WNK1: variants seen among roughly 807,000 people sequenced by gnomAD.
WNK1 encodes serine/threonine-protein kinase WNK1.
In WNK1, 38 loss-of-function variants were observed where a neutral mutation model predicts 222.8. The observed-to-expected ratio is 0.17, with a 90% CI of 0.13 to 0.22. The LOEUF is 0.22. WNK1 is among the 10% of genes least tolerant of loss of function. The pLI is 1.00. For synonymous variants in WNK1, 1,090 were observed against 1,092.9 expected, an observed-to-expected ratio of 1.00 and a Z score of 0.05; for missense variants, 2,348 against 2,918.4, an observed-to-expected ratio of 0.80 and a Z score of 4.50.
chr12:765,576 GAA>G (rs1941591534), intron 1 of WNK1, among the ~76,000 whole-genome samples: 1 of 120,208 alleles, frequency 8.3e-6, no homozygotes. Flanking sequence ...AATCATTGCA[GAA>G]AATTCTTTTG....
At chr12:878,512 C>T in intron 10 of WNK1, 151 bp downstream of exon 10, 1 of 867,086 alleles carries the variant, frequency 1.2e-6, no homozygotes. Context: ...AATCTCATTG[C>T]AGAAATGAAG....
chr12:890,350 T>C (rs2154089978), intron 21 of WNK1, 103 bp from the exon 22 acceptor site: 1 of 1,132,240 alleles, frequency 8.8e-7, no homozygotes, highest in East Asian at 2.4e-5. Context: ...TCACATATAC[T>C]GTCTTTCTGC....
chr12:791,127 A>G (rs1409192173), intron 1 of WNK1, among the ~76,000 whole-genome samples: 1 of 152,054 alleles, frequency 6.6e-6, no homozygotes, highest in East Asian at 1.9e-4. Flanking sequence ...CGTAGTAAAT[A>G]TTGTGGATGT....
At chr12:785,451 A>AG (rs1944201235) in intron 1 of WNK1, among the ~76,000 whole-genome samples, 1 of 117,424 alleles carries the variant, frequency 8.5e-6, no homozygotes, top group East Asian at 2.9e-4. Flanking sequence ...CCAGAGCTGG[A>AG]GTGCAATGGT....
chr12:801,786 T>C (rs1373292939), intron 1 of WNK1, among the ~76,000 whole-genome samples: 1 of 152,000 alleles, frequency 6.6e-6, no homozygotes, highest in African/African-American at 2.4e-5. Flanking sequence ...CAAATGAAAA[T>C]TGACAGATAT....
At chr12:905,840 A>G (rs957057296) in intron 26 of WNK1, among the ~76,000 whole-genome samples, 12 of 152,124 alleles carry the variant, frequency 7.9e-5, no homozygotes, top group African/African-American at 2.9e-4. Flanking sequence ...TGCAATAGCA[A>G]TCCCCTTGTG....
rs2154098420 is a variant in WNK1 at position 900,522 on chromosome 12, G to A, written c.6495G>A (p.Gln2165=). 6.2e-7 allele frequency: 1 copy of A among 1,614,154 alleles called. No individual in the cohort carries two copies. ...CAGCTTCAGTCTTGCACCCCCAGCA[G>A]ACCCTCCACCCTCCTGGCAACATCC... ...QSAASVLHPQ[Q]TLHPPGNIPE... Residue 2165 remains glutamine, a synonymous_variant, in exon 26 of 28, where the codon CAG becomes CAA. Coordinates refer to ENST00000315939, the MANE Select transcript of WNK1 (RefSeq NM_018979.4).
chr12:891,192 G>A (rs1175666551), intron 22 of WNK1, among the ~76,000 whole-genome samples: 2 of 152,140 alleles, frequency 1.3e-5, no homozygotes, highest in East Asian at 3.8e-4. Flanking sequence ...AGGCTGGAGT[G>A]CAGTGGCATC....
At chr12:857,137 T>A in intron 4 of WNK1, 24 bp from the exon 5 acceptor site, 1 of 1,609,580 alleles carries the variant, frequency 6.2e-7, no homozygotes, top group South Asian at 1.1e-5. Context: ...CTTTTATTAA[T>A]GTATTTCTGT....
At chr12:811,687 T>C (rs1198554213) in intron 1 of WNK1, among the ~76,000 whole-genome samples, 1 of 152,142 alleles carries the variant, frequency 6.6e-6, no homozygotes, top group Non-Finnish European at 1.5e-5. Flanking sequence ...TCTAAGATAT[T>C]TTATGAAATG....
At chr12:872,625 A>G (rs1047285413) in intron 9 of WNK1, among the ~76,000 whole-genome samples, 1 of 152,250 alleles carries the variant, frequency 6.6e-6, no homozygotes, top group Non-Finnish European at 1.5e-5. Context: ...ATAATTGAAT[A>G]CTTATTAGCT....
chr12:771,646 G>A (rs1016256728), intron 1 of WNK1, among the ~76,000 whole-genome samples: 1 of 152,032 alleles, frequency 6.6e-6, no homozygotes, highest in South Asian at 2.1e-4. Flanking sequence ...TATTGGCCCG[G>A]TTGATCTCGA....
At chr12:865,287 G>A (rs1438759630) in intron 8 of WNK1, 2 of 1,536,108 alleles carry the variant, frequency 1.3e-6, no homozygotes, top group Admixed American at 3.9e-5. Flanking sequence ...TAAAGCATTG[G>A]AGAGTGTCCT....
Position 830,177 on chromosome 12 carries a change from C to G in WNK1, c.1311+17C>G. ...GTGACCAGTGTAAGTCTTCCCCTAA[C>G]TGATTGTTGAACTTGGGGCATATCT... On this transcript the variant is annotated intron_variant, in intron 4 of 27. Transcript: ENST00000315939. 6.2e-7 allele frequency: 1 copy of G among 1,613,830 alleles called. No individual in the cohort carries two copies. The highest frequency in any genetic ancestry group is 1.1e-5 in the South Asian group (1 of 91,068).
In WNK1 at chr12:797,228, G is replaced by A. The variant is rs187764943; in HGVS notation, c.760-16414G>A. ...CTTATACGCTCTTCTCATAATGATT[G>A]TGTCATTCTTACTGTGATTACTGTG... is the stretch of plus-strand genomic sequence containing the variant. On this transcript the variant is annotated intron_variant, in intron 1 of 27. Transcript: ENST00000315939. 2.0e-3 allele frequency among the ~76,000 whole-genome samples: 301 copies of A among 152,080 alleles called. 4 individuals are homozygous for A. Among genetic ancestry groups the A allele is most frequent in the Non-Finnish European group, 7.9e-4 (54 of 67,972 alleles).
intron 1 of WNK1, among the ~76,000 whole-genome samples, chr12:788,987 G>GTTTA (rs1238986058): frequency 6.6e-6 from 1 of 152,148 alleles, no homozygotes; most frequent in Non-Finnish European, 1.5e-5. Flanking sequence ...TTGTGGGAAG[G>GTTTA]TTTATTAGTT....
intron 24 of WNK1, among the ~76,000 whole-genome samples, chr12:897,172 G>T (rs574518934): frequency 3.9e-5 from 6 of 152,112 alleles, no homozygotes; most frequent in Non-Finnish European, 8.8e-5. Flanking sequence ...GGCACGTTTT[G>T]TTTGGCAGAT....
chr12:767,176 C>G (rs1186769382), intron 1 of WNK1, among the ~76,000 whole-genome samples: 2 of 141,940 alleles, frequency 1.4e-5, no homozygotes, highest in African/African-American at 2.7e-5. Context: ...GAGCTTATGT[C>G]AAAATATGGC....
intron 1 of WNK1, among the ~76,000 whole-genome samples, chr12:769,329 G>C (rs750811365): frequency 1.3e-5 from 2 of 151,944 alleles, no homozygotes; most frequent in Non-Finnish European, 2.9e-5. Flanking sequence ...CTCCCAAATT[G>C]CTGGGATTAC....
Sources: allele counts gnomAD v4.1 joint callset (sites outside exome capture counted in the v4.1 genomes callset), GRCh38; gene constraint gnomAD v4.1.1; transcripts MANE v1.5; gene names NCBI Gene and HGNC (gene_info 2026-07-23, HGNC 2026-07-21).